RBFOX1: variants seen among roughly 807,000 people sequenced by gnomAD.
The protein encoded by RBFOX1 is RNA binding protein fox-1 homolog 1.
A neutral mutation model predicts 57.7 loss-of-function variants in RBFOX1; 8 were observed. The ratio of observed to expected loss-of-function variants is 0.14; its 90% CI spans 0.08 to 0.25. The LOEUF is 0.25. Ranked by LOEUF, RBFOX1 falls within the 10% of genes least tolerant of loss-of-function variation. RBFOX1 has a pLI of 1.00. For synonymous variants in RBFOX1, 326 were observed against 222.4 expected, an observed-to-expected ratio of 1.47 and a Z score of -4.15; for missense variants, 611 against 548.5, an observed-to-expected ratio of 1.11 and a Z score of -1.14.
At chr16:5,906,682 G>A (rs764927418) in intron 4 of RBFOX1, among the ~76,000 whole-genome samples, 6 of 149,846 alleles carry the variant, frequency 4.0e-5, no homozygotes, top group East Asian at 3.9e-4. Flanking sequence ...GAGTGTTGTC[G>A]CTGACCACAC....
At chr16:6,328,007 C>G (rs560308387) in intron 2 of RBFOX1, among the ~76,000 whole-genome samples, 24 of 152,078 alleles carry the variant, frequency 1.6e-4, no homozygotes, top group Non-Finnish European at 3.2e-4. Flanking sequence ...TGTGCATTGC[C>G]AATTTGCAGT....
At chr16:7,432,160 G>C (rs922144533) in intron 4 of RBFOX1, among the ~76,000 whole-genome samples, 28 of 152,250 alleles carry the variant, frequency 1.8e-4, no homozygotes, top group Non-Finnish European at 2.9e-5. Context: ...AGGGGTGCCT[G>C]CTGGCACCCA....
intron 3 of RBFOX1, among the ~76,000 whole-genome samples, chr16:6,868,105 C>G (rs1006454910): frequency 4.6e-5 from 7 of 152,082 alleles, no homozygotes; most frequent in Admixed American, 3.3e-4. Flanking sequence ...AAATTTTGAT[C>G]AAAGTACCTG....
chr16:5,822,582 C>A (rs1449133406), intron 3 of RBFOX1, among the ~76,000 whole-genome samples: 1 of 152,090 alleles, frequency 6.6e-6, no homozygotes, highest in African/African-American at 2.4e-5. Flanking sequence ...TAAAATTTTC[C>A]AACCACAAAG....
chr16:6,266,167 G>C (rs2074464688), intron 1 of RBFOX1, among the ~76,000 whole-genome samples: 1 of 152,168 alleles, frequency 6.6e-6, no homozygotes, highest in Non-Finnish European at 1.5e-5. Context: ...GGAGAGATCA[G>C]TGAGTCACTT....
rs570843894 is a variant in RBFOX1 at position 6,382,185 on chromosome 16, T to C, written c.-64+65128T>C. ...AGAATAGTATTCTTGTGATCCTTTT[T>C]CCCCAACCATTTAAAATTGCAAGAG... On this transcript the variant is annotated intron_variant, in intron 2 of 15. Coordinates refer to ENST00000550418, the MANE Select transcript of RBFOX1 (RefSeq NM_018723.4). 3.6e-4 allele frequency among the ~76,000 whole-genome samples: 55 copies of C among 152,288 alleles called. No homozygotes were observed. In the South Asian group the frequency reaches 1.0e-2, roughly 28 times the overall value.
intron 4 of RBFOX1, among the ~76,000 whole-genome samples, chr16:7,327,441 A>C (rs544424972): frequency 2.0e-5 from 3 of 152,352 alleles, no homozygotes; most frequent in African/African-American, 7.2e-5. Context: ...TCTGGAAACA[A>C]AGTGAGTGAT....
chr16:6,647,228 G>T (rs1259982559), intron 2 of RBFOX1, among the ~76,000 whole-genome samples: 2 of 152,046 alleles, frequency 1.3e-5, no homozygotes, highest in Admixed American at 6.6e-5. Flanking sequence ...TTCTTAAAAG[G>T]ATACTAATTC....
At chr16:6,787,868 C>T (rs1005342555) in intron 3 of RBFOX1, among the ~76,000 whole-genome samples, 2 of 152,118 alleles carry the variant, frequency 1.3e-5, no homozygotes, top group African/African-American at 2.4e-5. Flanking sequence ...AAGCGTAACT[C>T]GATACTATAG....
intron 4 of RBFOX1, among the ~76,000 whole-genome samples, chr16:7,172,489 T>G (rs1039928255): frequency 6.6e-6 from 1 of 152,200 alleles, no homozygotes; most frequent in Non-Finnish European, 1.5e-5. Context: ...CCCAGCCTTT[T>G]ATCAGCAAAT....
chr16:6,574,424 A>AT (rs34505014), intron 2 of RBFOX1, among the ~76,000 whole-genome samples: 43,658 of 89,850 alleles, frequency 0.49, 12,875 homozygotes, highest in Non-Finnish European at 0.6. Context: ...CGTATCTTCT[A>AT]TTTTTTTTTT....
chr16:5,758,879 C>G (rs1402586862), intron 3 of RBFOX1, among the ~76,000 whole-genome samples: 3 of 152,128 alleles, frequency 2.0e-5, no homozygotes, highest in Non-Finnish European at 4.4e-5. Flanking sequence ...GCGTGGCTGA[C>G]CCTCCATGCA....
intron 2 of RBFOX1, among the ~76,000 whole-genome samples, chr16:6,576,721 A>C (rs2097443735): frequency 6.6e-6 from 1 of 152,174 alleles, no homozygotes; most frequent in Non-Finnish European, 1.5e-5. Flanking sequence ...AAAACAAAAG[A>C]GGCAATAATT....
chr16:5,939,503 A>G (rs1010680683), intron 4 of RBFOX1, among the ~76,000 whole-genome samples: 2 of 152,162 alleles, frequency 1.3e-5, no homozygotes, highest in Non-Finnish European at 2.9e-5. Flanking sequence ...CTTCCACAGG[A>G]CTGTCTGAGC....
intron 4 of RBFOX1, among the ~76,000 whole-genome samples, chr16:7,054,844 A>G (rs2051565132): frequency 1.3e-5 from 2 of 152,310 alleles, no homozygotes; most frequent in East Asian, 1.9e-4. Context: ...TGTTGTCAGA[A>G]TTCAGGGATA....
intron 4 of RBFOX1, among the ~76,000 whole-genome samples, chr16:7,374,973 T>G (rs2097657420): frequency 6.6e-6 from 1 of 152,240 alleles, no homozygotes; most frequent in Admixed American, 6.5e-5. Context: ...AATTAATGTG[T>G]ACAACATCTG....
At chr16:6,419,478 G>T (rs1231884318) in intron 2 of RBFOX1, among the ~76,000 whole-genome samples, 1 of 152,160 alleles carries the variant, frequency 6.6e-6, no homozygotes, top group Non-Finnish European at 1.5e-5. Flanking sequence ...GCTAAGAAAG[G>T]AATGAAGACA....
chr16:5,656,728 C>T (rs1304074924), intron 3 of RBFOX1, among the ~76,000 whole-genome samples: 1 of 152,194 alleles, frequency 6.6e-6, no homozygotes, highest in Non-Finnish European at 1.5e-5. Context: ...AGGACATGAA[C>T]TCATTCTTTT....
chr16:5,753,707 C>G (rs1023054742), intron 3 of RBFOX1, among the ~76,000 whole-genome samples: 1 of 152,198 alleles, frequency 6.6e-6, no homozygotes, highest in South Asian at 2.1e-4. Flanking sequence ...CAGTGTTTTT[C>G]TGTCCCCAGA....
Sources: allele counts gnomAD v4.1 joint callset (sites outside exome capture counted in the v4.1 genomes callset), GRCh38; gene constraint gnomAD v4.1.1; transcripts MANE v1.5; gene names NCBI Gene and HGNC (gene_info 2026-07-23, HGNC 2026-07-21).